KIAA1328: variants seen among roughly 807,000 people sequenced by gnomAD.
KIAA1328 encodes the protein protein hinderin.
A neutral mutation model predicts 68.1 loss-of-function variants in KIAA1328; 52 were observed. The observed-to-expected ratio is 0.76, with a 90% CI of 0.61 to 0.96. The LOEUF is 0.96. Among genes scored for constraint, KIAA1328 ranks in the 40% least tolerant of loss-of-function variants. The pLI is 0.00. For synonymous variants in KIAA1328, 232 were observed against 239.4 expected (o/e 0.97, Z 0.28); for missense variants, 641 against 677.6 (o/e 0.95, Z 0.60).
At chr18:36,945,183 T>C (rs2050855746) in intron 5 of KIAA1328, among the ~76,000 whole-genome samples, 1 of 152,224 alleles carries the variant, frequency 6.6e-6, no homozygotes, top group African/African-American at 2.4e-5. Context: ...GTGAAACTTT[T>C]GTCTTTGAGT....
At chr18:37,153,837 A>AGGAC (rs1351696850) in intron 7 of KIAA1328, among the ~76,000 whole-genome samples, 1 of 147,578 alleles carries the variant, frequency 6.8e-6, no homozygotes, top group Non-Finnish European at 1.5e-5. Flanking sequence ...TTCTAAATCA[A>AGGAC]GGACTTGTTC....
chr18:37,098,381 G>A (rs972267920), intron 7 of KIAA1328, among the ~76,000 whole-genome samples: 4 of 152,176 alleles, frequency 2.6e-5, no homozygotes, highest in Non-Finnish European at 5.9e-5. Context: ...TACATTTATT[G>A]ATTTGTGTAT....
chr18:37,193,709 G>A (rs1397376375), intron 9 of KIAA1328: 2 of 686,172 alleles, frequency 2.9e-6, no homozygotes, highest in Admixed American at 4.2e-5. Flanking sequence ...TTCATGTCCA[G>A]CTGGGTTAAA....
rs1256209153 is a variant in KIAA1328 at position 36,962,451 on chromosome 18, C to T, written c.576+3016C>T. On this transcript the variant is annotated intron_variant, in intron 6 of 9. Transcript: ENST00000280020. Reference sequence around the variant, plus strand: ...AACAAGGATATCCAGCACTTGAACTCAGCTCTGCACCAGGCGGACCTAATA... The same window carrying T: ...AACAAGGATATCCAGCACTTGAACTTAGCTCTGCACCAGGCGGACCTAATA... 2.6e-5 allele frequency among the ~76,000 whole-genome samples: 4 copies of T among 152,196 alleles called. No individual in the cohort carries two copies. The East Asian group carries it at 7.7e-4, about 29-fold the overall frequency.
At chr18:36,841,669 T>A (rs181737639) in intron 3 of KIAA1328, among the ~76,000 whole-genome samples, 5 of 152,298 alleles carry the variant, frequency 3.3e-5, no homozygotes, top group Non-Finnish European at 7.4e-5. Context: ...AACTCAACTC[T>A]GCCACAGTAG....
At chr18:37,099,102 C>T (rs990577509) in intron 7 of KIAA1328, among the ~76,000 whole-genome samples, 1 of 151,982 alleles carries the variant, frequency 6.6e-6, no homozygotes, top group African/African-American at 2.4e-5. Flanking sequence ...TAGGTTATTT[C>T]TTGCCTTCTG....
rs550460970 is a variant in KIAA1328 at position 36,852,042 on chromosome 18, T to C, written c.332+7740T>C. ...TCTTTGTGATTTCTTCTTTGACTTA[T>C]TGATTGTTTAAAAGTGTGTTAATTT... On this transcript the variant is annotated intron_variant, in intron 4 of 9. Transcript: ENST00000280020. Among the ~76,000 whole-genome samples, 65 of 152,304 alleles carry C rather than the reference T, an allele frequency of 4.3e-4. 1 individual carries two copies. Among genetic ancestry groups the C allele is most frequent in the African/African-American group, 1.6e-3 (65 of 41,584 alleles).
intron 8 of KIAA1328, among the ~76,000 whole-genome samples, chr18:37,171,332 C>T (rs2059495434): frequency 6.6e-6 from 1 of 152,170 alleles, no homozygotes. Context: ...CTGCCTCAAC[C>T]TCCTGAGTAG....
chr18:37,104,783 A>C (rs934727048), intron 7 of KIAA1328, among the ~76,000 whole-genome samples: 1 of 152,198 alleles, frequency 6.6e-6, no homozygotes, highest in African/African-American at 2.4e-5. Flanking sequence ...TGTAACAATA[A>C]AAAATGAAAG....
chr18:37,069,106 T>C (rs982349186), intron 7 of KIAA1328, among the ~76,000 whole-genome samples: 1 of 152,248 alleles, frequency 6.6e-6, no homozygotes, highest in African/African-American at 2.4e-5. Context: ...GTGATTTGTC[T>C]TATTTGCCCT....
At chr18:37,097,213 C>A (rs1441967337) in intron 7 of KIAA1328, among the ~76,000 whole-genome samples, 1 of 152,208 alleles carries the variant, frequency 6.6e-6, no homozygotes, top group Non-Finnish European at 1.5e-5. Flanking sequence ...TTAGGTCTAA[C>A]ATTTAAGTCT....
intron 6 of KIAA1328, among the ~76,000 whole-genome samples, chr18:37,006,671 C>T (rs2151475062): frequency 6.6e-6 from 1 of 152,110 alleles, no homozygotes; most frequent in Non-Finnish European, 1.5e-5. Context: ...CTCCCCGCTC[C>T]CCCAACCCCA....
chr18:37,012,685 C>T (rs1214863804), intron 6 of KIAA1328, among the ~76,000 whole-genome samples: 1 of 152,136 alleles, frequency 6.6e-6, no homozygotes, highest in African/African-American at 2.4e-5. Flanking sequence ...TTTAACCAGG[C>T]TGTGGGTGTT....
At chr18:37,036,626 C>A (rs1206371290) in intron 6 of KIAA1328, among the ~76,000 whole-genome samples, 1 of 152,150 alleles carries the variant, frequency 6.6e-6, no homozygotes, top group African/African-American at 2.4e-5. Context: ...ATGCTCACAG[C>A]CACCTGCTCT....
intron 6 of KIAA1328, among the ~76,000 whole-genome samples, chr18:37,057,066 C>A (rs961837789): frequency 2.0e-5 from 3 of 152,080 alleles, no homozygotes; most frequent in African/African-American, 7.2e-5. Context: ...CCCCTACATG[C>A]TTTTCTGCTA....
At chr18:37,110,803 C>T (rs574283059) in intron 7 of KIAA1328, among the ~76,000 whole-genome samples, 62 of 152,078 alleles carry the variant, frequency 4.1e-4, no homozygotes, top group African/African-American at 1.4e-3. Context: ...TGGCTTATGG[C>T]GGTTTGTTTT....
rs1203023071 is a variant in KIAA1328 at position 37,216,994 on chromosome 18, G to GT, written c.1524-5013dup. ...CTTTTTTTTTGTTTTTTTTTTGTTTGTTTTTTTTTTGCTTTCCATTTGCTT... is the reference window on the plus strand; with the variant it reads ...CTTTTTTTTTGTTTTTTTTTTGTTTGTTTTTTTTTTTGCTTTCCATTTGCTT... On this transcript the variant is annotated intron_variant, in intron 9 of 9. Transcript: ENST00000280020. Among the ~76,000 whole-genome samples the GT allele has an allele frequency of 3.1e-3, 90 of 29,360 alleles. 1 individual carries two copies. The highest frequency in any genetic ancestry group is 8.3e-3 in the South Asian group (11 of 1,328). The allele number at this position is 29,360 out of a possible 152,430, so 19.3% of individuals were successfully genotyped here. A position where few individuals can be genotyped will look rare whatever the true frequency, so the allele number is the denominator to read the frequency against.
chr18:36,901,994 C>T (rs1221737961), intron 5 of KIAA1328: 3 of 151,744 alleles, frequency 2.0e-5, no homozygotes, highest in Non-Finnish European at 4.4e-5. Context: ...ATTTTTTTCT[C>T]TATAATCTCT....
intron 7 of KIAA1328, among the ~76,000 whole-genome samples, chr18:37,113,787 A>C (rs2058016965): frequency 6.6e-6 from 1 of 152,228 alleles, no homozygotes; most frequent in Non-Finnish European, 1.5e-5. Context: ...AGACACACAT[A>C]GGCTCAAAAT....
Sources: allele counts gnomAD v4.1 joint callset (sites outside exome capture counted in the v4.1 genomes callset), GRCh38; gene constraint gnomAD v4.1.1; transcripts MANE v1.5; gene names NCBI Gene and HGNC (gene_info 2026-07-23, HGNC 2026-07-21).